Variants in EFHC2 observed in about 807,000 individuals in gnomAD.
The protein encoded by EFHC2 is EF-hand domain-containing family member C2.
EFHC2 carries 18 observed loss-of-function variants against 52.7 expected under a neutral mutation model. That is an observed-to-expected ratio of 0.34 (90% CI 0.24 to 0.51). EFHC2 has a LOEUF of 0.51. Among genes scored for constraint, EFHC2 ranks in the 20% least tolerant of loss-of-function variants. The pLI, the probability that EFHC2 is intolerant of heterozygous loss-of-function variation, is 0.97. For synonymous variants in EFHC2, 203 were observed against 204.1 expected, an observed-to-expected ratio of 0.99 and a Z score of 0.04; for missense variants, 513 against 562.5, an observed-to-expected ratio of 0.91 and a Z score of 0.89.
chrX:44,308,892 C>A (rs1444310624), intron 2 of EFHC2, among the ~76,000 whole-genome samples: 1 of 112,698 alleles, frequency 8.9e-6, no homozygotes, highest in Admixed American at 9.4e-5. Context: ...AAGCTATTAT[C>A]GCCTTGTGAG....
intron 11 of EFHC2, among the ~76,000 whole-genome samples, chrX:44,200,848 G>A (rs1405984746): frequency 8.9e-6 from 1 of 111,967 alleles, no homozygotes; most frequent in Non-Finnish European, 1.9e-5. Context: ...AAAGGCTTAT[G>A]ACTACAAAGG....
chrX:44,271,726 C>T (rs983554386), intron 3 of EFHC2, among the ~76,000 whole-genome samples: 2 of 110,927 alleles, frequency 1.8e-5, no homozygotes, highest in African/African-American at 6.6e-5. Context: ...CTAACCCCAA[C>T]CCTACCCAGG....
chrX:44,170,226 T>C (rs760705123), intron 13 of EFHC2, among the ~76,000 whole-genome samples: 1 of 109,513 alleles, frequency 9.1e-6, no homozygotes, highest in Admixed American at 9.9e-5. Flanking sequence ...GTCAGGAGTA[T>C]ATTCAGGAGG....
chrX:44,302,225 A>T (rs2037873960), intron 2 of EFHC2, among the ~76,000 whole-genome samples: 1 of 111,726 alleles, frequency 9.0e-6, no homozygotes, highest in Non-Finnish European at 1.9e-5. Flanking sequence ...ATGTAGTGGT[A>T]CCTACAAAAG....
chrX:44,154,114 G>A (rs920976876), intron 14 of EFHC2, among the ~76,000 whole-genome samples: 1 of 112,335 alleles, frequency 8.9e-6, no homozygotes, highest in Non-Finnish European at 1.9e-5. Flanking sequence ...ACGTGCAGCA[G>A]GCTCTGCCAG....
intron 11 of EFHC2, among the ~76,000 whole-genome samples, chrX:44,225,423 T>C (rs1039220090): frequency 9.1e-6 from 1 of 110,141 alleles, no homozygotes; most frequent in African/African-American, 3.3e-5. Flanking sequence ...CCCTCAAAGT[T>C]TTTCTGAGAG....
intron 11 of EFHC2, among the ~76,000 whole-genome samples, chrX:44,183,881 G>A (rs1010863544): frequency 8.9e-6 from 1 of 112,050 alleles, no homozygotes; most frequent in African/African-American, 3.2e-5. Flanking sequence ...GAGGCAGTCT[G>A]GAAAAAGTGT....
chrX:44,336,215 C>T (rs1247235283), intron 1 of EFHC2, among the ~76,000 whole-genome samples: 1 of 109,535 alleles, frequency 9.1e-6, no homozygotes, highest in East Asian at 2.9e-4. Flanking sequence ...GGTGAAACCC[C>T]GTCTCTACCC....
intron 13 of EFHC2, among the ~76,000 whole-genome samples, chrX:44,170,508 C>A (rs1372496160): frequency 3.6e-5 from 4 of 110,603 alleles, no homozygotes; most frequent in African/African-American, 1.3e-4. Flanking sequence ...ATCAATCAGT[C>A]AGTGACTAGA....
At chrX:44,176,446 T>C (rs2036788216) in intron 12 of EFHC2, 62 bp from the exon 13 acceptor site, 1 of 785,512 alleles carries the variant, frequency 1.3e-6, no homozygotes, top group Admixed American at 4.2e-5. Context: ...AATAATTACA[T>C]ACTATAGGAA....
intron 1 of EFHC2, among the ~76,000 whole-genome samples, chrX:44,340,590 C>T (rs1240250209): frequency 9.0e-6 from 1 of 111,043 alleles, no homozygotes; most frequent in Non-Finnish European, 1.9e-5. Flanking sequence ...AGCCAGAAGG[C>T]GGAGGTTGCA....
chrX:44,222,322 C>G (rs2037200341), intron 11 of EFHC2, among the ~76,000 whole-genome samples: 1 of 111,391 alleles, frequency 9.0e-6, no homozygotes, highest in African/African-American at 3.3e-5. Context: ...CCATTCACCC[C>G]CAAAAGATTG....
At position 44,277,270 on chromosome X, in the gene EFHC2, A is replaced by G. The variant is rs907172633; in HGVS notation, c.232-4434T>C. ...CGAGACTCCAGCTCAAAAAAAAAAA[A>G]AAAAAAAAAAATCTTACAGCTGAAT... On this transcript the variant is annotated intron_variant, in intron 2 of 14. Transcript: ENST00000420999. 3.3e-3 allele frequency among the ~76,000 whole-genome samples: 353 copies of G among 107,086 alleles called. 1 individual carries two copies. Among genetic ancestry groups the G allele is most frequent in the Non-Finnish European group, 3.6e-3 (188 of 52,119 alleles). 93.0% of individuals were successfully genotyped at this position (107,086 alleles called of 115,157 possible).
At chrX:44,323,377 T>C (rs1487922743) in intron 1 of EFHC2, among the ~76,000 whole-genome samples, 1 of 112,186 alleles carries the variant, frequency 8.9e-6, no homozygotes, top group Non-Finnish European at 1.9e-5. Flanking sequence ...CCTATGTATA[T>C]AGATTAGGGT....
At chrX:44,188,043 T>C (rs2036890685) in intron 11 of EFHC2, among the ~76,000 whole-genome samples, 1 of 106,878 alleles carries the variant, frequency 9.4e-6, no homozygotes, top group African/African-American at 3.4e-5. Flanking sequence ...CAATCTCAGC[T>C]CACTGCAACC....
chrX:44,193,697 T>C (rs1441531347), intron 11 of EFHC2, among the ~76,000 whole-genome samples: 1 of 111,613 alleles, frequency 9.0e-6, no homozygotes. Flanking sequence ...CATGTGTATG[T>C]GTCCGTGTGT....
Position 44,235,298 on chromosome X carries a change from C to T in EFHC2, c.1423+7G>A, listed in dbSNP as rs1418731030. On this transcript the variant is annotated splice_region_variant and intron_variant, in intron 9 of 14. Transcript: ENST00000420999. ...CAAGAAAATACTGTGAAGAGTATAT[C>T]TCTTACCTGAATTCCTCTCTATAGG... 1 of 1,156,711 alleles carries T rather than the reference C, an allele frequency of 8.6e-7. No homozygotes were observed. The highest frequency in any genetic ancestry group is 2.6e-5 in the Admixed American group (1 of 38,317).
chrX:44,158,197 A>C (rs1254711491), intron 14 of EFHC2, among the ~76,000 whole-genome samples: 1 of 112,045 alleles, frequency 8.9e-6, no homozygotes, highest in Non-Finnish European at 1.9e-5. Flanking sequence ...TGATGCAGAC[A>C]GAATTAGAGT....
chrX:44,295,953 A>C (rs2037823443), intron 2 of EFHC2, among the ~76,000 whole-genome samples: 1 of 111,497 alleles, frequency 9.0e-6, no homozygotes, highest in South Asian at 3.7e-4. Flanking sequence ...AGGAAAATCT[A>C]AAGGTGATCC....
Sources: allele counts gnomAD v4.1 joint callset (sites outside exome capture counted in the v4.1 genomes callset), GRCh38; gene constraint gnomAD v4.1.1; transcripts MANE v1.5; gene names NCBI Gene and HGNC (gene_info 2026-07-23, HGNC 2026-07-21).